SPPL2B: variants seen among roughly 807,000 people sequenced by gnomAD.
SPPL2B encodes the protein signal peptide peptidase like 2B.
Under a neutral mutation model 59.7 loss-of-function variants are expected in SPPL2B, and 39 were observed. That is an observed-to-expected ratio of 0.65 (90% CI 0.51 to 0.85). The LOEUF (loss-of-function observed/expected upper bound fraction) is 0.85, where lower values mean the gene tolerates loss of function less well. Ranked by LOEUF, SPPL2B falls within the 40% of genes least tolerant of loss-of-function variation. The probability of loss-of-function intolerance (pLI) is 0.00; values close to 1 mark genes in which losing one functional copy is unlikely to be tolerated. For missense variants in SPPL2B, 865 were observed against 849.0 expected (o/e 1.02, Z -0.23); for synonymous variants, 419 against 370.8 (o/e 1.13, Z -1.49).
At chr19:2,335,738 C>T (rs1332774710) in intron 2 of SPPL2B, among the ~76,000 whole-genome samples, 2 of 151,548 alleles carry the variant, frequency 1.3e-5, no homozygotes, top group Non-Finnish European at 2.9e-5. Context: ...GCCCCGCCTC[C>T]TTTCCCACTG....
chr19:2,342,801 C>T (rs1969133019), intron 8 of SPPL2B: 1 of 207,650 alleles, frequency 4.8e-6, no homozygotes, highest in Non-Finnish European at 1.0e-5. Context: ...ACGCAGCCGG[C>T]CAGGCCCGTG....
At chr19:2,339,662 C>CTT in intron 5 of SPPL2B, 162 bp from the exon 6 acceptor site, 1 of 775,694 alleles carries the variant, frequency 1.3e-6, no homozygotes, top group South Asian at 1.7e-5. Context: ...GTGGTCTCCT[C>CTT]TGCCCTGGGG....
At position 2,340,976 on chromosome 19, in the gene SPPL2B, C is replaced by T. The variant is rs368360502; in HGVS notation, c.918C>T (p.Ala306=). Residue 306 remains alanine (A), a synonymous_variant, in exon 8 of 15, where the codon GCC becomes GCT. Coordinates refer to ENST00000613503, the MANE Select transcript of SPPL2B (RefSeq NM_152988.3). ...TGCTCCTGGCGCTCTTCTGCGTGGC[C>T]GTCAGCGTGGTGTGGGGCGTCTTCC... The part of the protein sequence containing the change: ...RMLLLALFCV[A]VSVVWGVFRN... 1.3e-5 allele frequency: 21 copies of T among 1,604,798 alleles called. No individual in the cohort carries two copies. Among genetic ancestry groups the T allele is most frequent in the East Asian group, 1.1e-4 (5 of 44,868 alleles).
chr19:2,349,700 C>T (rs559601449), intron 13 of SPPL2B, among the ~76,000 whole-genome samples: 25 of 138,952 alleles, frequency 1.8e-4, no homozygotes, highest in South Asian at 1.4e-3. Context: ...CGTTCTCTCT[C>T]CACACACACT....
At chr19:2,351,330 C>A in intron 13 of SPPL2B, 104 bp from the exon 14 acceptor site, 3 of 911,076 alleles carry the variant, frequency 3.3e-6, no homozygotes, top group Non-Finnish European at 5.0e-6. Flanking sequence ...CGTCCTCGCA[C>A]ACCCCTGCCC....
At chr19:2,328,908 T>C in intron 1 of SPPL2B, 133 bp downstream of exon 1, 1 of 790,546 alleles carries the variant, frequency 1.3e-6, no homozygotes, top group Non-Finnish European at 1.8e-6. Flanking sequence ...CGTCCCCGCG[T>C]TGTCGGCCGG....
At chr19:2,337,324 G>A (rs566745773) in intron 2 of SPPL2B, 119 bp from the exon 3 acceptor site, 63 of 991,446 alleles carry the variant, frequency 6.4e-5, no homozygotes, top group African/African-American at 2.3e-4. Flanking sequence ...GAGGCCGTGC[G>A]GGGCTTTAGG....
intron 2 of SPPL2B, among the ~76,000 whole-genome samples, chr19:2,335,957 G>T (rs1480946108): frequency 6.6e-6 from 1 of 151,490 alleles, no homozygotes; most frequent in Non-Finnish European, 1.5e-5. Context: ...GCATGTGCCT[G>T]AGTGTTTTTT....
rs1270344801 is a variant in SPPL2B, at chr19:2,339,810, T to TG, written c.600-12dup. On this transcript the variant is annotated splice_polypyrimidine_tract_variant and intron_variant, in intron 5 of 14. Transcript: ENST00000613503. ...CCGGCCCCAGGGCCCCACGACCCCA[T>TG]GGTGTCTCCCAAGAAGGTACATGAA... 6.9e-6 allele frequency: 11 copies of TG among 1,602,870 alleles called. No homozygotes were observed. Among genetic ancestry groups the TG allele is most frequent in the Admixed American group, 3.4e-5 (2 of 58,396 alleles).
At chr19:2,334,829 G>C (rs1968470909) in intron 2 of SPPL2B, 108 bp downstream of exon 2, 1 of 1,378,042 alleles carries the variant, frequency 7.3e-7, no homozygotes, top group Admixed American at 2.9e-5. Flanking sequence ...GCGAGAGGCA[G>C]GCCCTGACCA....
At chr19:2,351,701 G>C (rs1318569894) in intron 14 of SPPL2B, 107 bp downstream of exon 14, 1 of 1,439,340 alleles carries the variant, frequency 6.9e-7, no homozygotes. Context: ...CGGCCGCGAC[G>C]GGGCTCAGGG....
At chr19:2,351,290 C>T in intron 13 of SPPL2B, 144 bp from the exon 14 acceptor site, 1 of 662,858 alleles carries the variant, frequency 1.5e-6, no homozygotes, top group East Asian at 2.7e-5. Context: ...GCCTGTGGCC[C>T]TGCCGGCTGA....
At chr19:2,340,577 AG>A in intron 7 of SPPL2B, 1 of 541,168 alleles carries the variant, frequency 1.8e-6, no homozygotes. Flanking sequence ...GGGCTAGCCC[AG>A]GGGGAGACCT....
At chr19:2,345,116 CTG>C in intron 12 of SPPL2B, 135 bp from the exon 13 acceptor site, 3 of 655,740 alleles carry the variant, frequency 4.6e-6, no homozygotes, top group South Asian at 1.7e-5. Context: ...TGTGGCCTGT[CTG>C]TGAAATGACA....
chr19:2,344,424 GGT>G lies in SPPL2B; in HGVS notation c.1176+5_1176+6del. ...CCTCGGACTCAGCCACCCGTGAGAA[GGT>G]GTGTCTTCTGACTGCAGGGTCTCAG... On this transcript the variant is annotated splice_donor_variant, in intron 11 of 14. Coordinates refer to ENST00000613503, the MANE Select transcript of SPPL2B (RefSeq NM_152988.3). LOFTEE classifies it high-confidence loss of function. 7.6e-6 allele frequency: 12 copies of G among 1,569,690 alleles called. No homozygotes were observed. The highest frequency in any genetic ancestry group is 1.0e-5 in the Non-Finnish European group (12 of 1,157,766).
chr19:2,328,856 C>A, intron 1 of SPPL2B, 81 bp downstream of exon 1: 1 of 1,202,880 alleles, frequency 8.3e-7, no homozygotes, highest in African/African-American at 1.6e-5. Context: ...GCAGGAACGA[C>A]CCCGCTCGGC....
intron 1 of SPPL2B, among the ~76,000 whole-genome samples, chr19:2,329,169 G>T (rs1968151047): frequency 6.6e-6 from 1 of 152,256 alleles, no homozygotes; most frequent in Middle Eastern, 3.2e-3. Flanking sequence ...CCCTTAGGCG[G>T]AACGGGCACG....
intron 1 of SPPL2B, among the ~76,000 whole-genome samples, chr19:2,333,540 C>T (rs1410468517): frequency 1.3e-5 from 2 of 152,228 alleles, no homozygotes; most frequent in Non-Finnish European, 2.9e-5. Flanking sequence ...TGGGGGTCGT[C>T]CCTTCTGGTC....
intron 13 of SPPL2B, among the ~76,000 whole-genome samples, chr19:2,346,149 G>T (rs1053522042): frequency 6.6e-6 from 1 of 152,260 alleles, no homozygotes; most frequent in African/African-American, 2.4e-5. Context: ...TGGCCCTAAG[G>T]AAAGAAGCTG....
Sources: allele counts gnomAD v4.1 joint callset (sites outside exome capture counted in the v4.1 genomes callset), GRCh38; gene constraint gnomAD v4.1.1; transcripts MANE v1.5; gene names NCBI Gene and HGNC (gene_info 2026-07-23, HGNC 2026-07-21).